TRPC3: variants seen among roughly 807,000 people sequenced by gnomAD.
The protein encoded by TRPC3 is transient receptor potential cation channel subfamily C member 3.
Under a neutral mutation model 90.9 loss-of-function variants are expected in TRPC3, and 54 were observed. The ratio of observed to expected loss-of-function variants is 0.59; its 90% CI spans 0.48 to 0.75. The LOEUF is 0.75. Among genes scored for constraint, TRPC3 ranks in the 30% least tolerant of loss-of-function variants. The pLI, the probability that TRPC3 is intolerant of heterozygous loss-of-function variation, is 0.00. For missense variants in TRPC3, 918 were observed against 1,194.5 expected (o/e 0.77, Z 3.41); for synonymous variants, 424 against 450.9 (o/e 0.94, Z 0.75).
At chr4:121,881,598 A>G (rs1410498294) in intron 11 of TRPC3, among the ~76,000 whole-genome samples, 1 of 152,222 alleles carries the variant, frequency 6.6e-6, no homozygotes, top group African/African-American at 2.4e-5. Context: ...TCCTTGTATT[A>G]ATCAAGTAAT....
chr4:121,879,711 T>G lies in TRPC3; in HGVS notation c.*25A>C. 1 of 1,597,734 alleles carries G rather than the reference T, an allele frequency of 6.3e-7. No homozygotes were observed. Among genetic ancestry groups the G allele is most frequent in the Non-Finnish European group, 8.5e-7 (1 of 1,174,628 alleles). ...ATTATTGCCCACATTTGTGCTATAG[T>G]CAAAGCCAAATCCAGGTTGCTGCAT... On this transcript the variant is annotated 3_prime_UTR_variant, in exon 12 of 12. Transcript: ENST00000379645.
chr4:121,900,355 G>A (rs1201105675), intron 9 of TRPC3, among the ~76,000 whole-genome samples: 1 of 152,158 alleles, frequency 6.6e-6, no homozygotes, highest in Non-Finnish European at 1.5e-5. Context: ...TCTTATCTGT[G>A]GCCAAGCTCT....
chr4:121,918,182 T>C (rs1334841527), intron 3 of TRPC3, among the ~76,000 whole-genome samples: 1 of 152,154 alleles, frequency 6.6e-6, no homozygotes, highest in East Asian at 1.9e-4. Flanking sequence ...GTAGTGTTCC[T>C]CCCCTCTAGA....
intron 10 of TRPC3, among the ~76,000 whole-genome samples, chr4:121,894,223 C>T (rs1252809616): frequency 6.6e-6 from 1 of 151,696 alleles, no homozygotes; most frequent in Non-Finnish European, 1.5e-5. Context: ...AATGTAACTA[C>T]CAAAAGTAAA....
At chr4:121,883,667 AT>A (rs1244563242) in intron 10 of TRPC3, among the ~76,000 whole-genome samples, 3 of 152,186 alleles carry the variant, frequency 2.0e-5, no homozygotes, top group Non-Finnish European at 4.4e-5. Flanking sequence ...GGACTTTTAT[AT>A]TTTACTGGCA....
chr4:121,875,994 G>A lies in TRPC3; in HGVS notation c.*3742C>T, dbSNP rs1727751789. Among the ~76,000 whole-genome samples, 1 of 147,430 alleles carries A rather than the reference G, an allele frequency of 6.8e-6. No homozygotes were observed. Among genetic ancestry groups the A allele is most frequent in the African/African-American group, 2.5e-5 (1 of 39,612 alleles). On this transcript the variant is annotated 3_prime_UTR_variant, in exon 12 of 12. Transcript: ENST00000379645. ...GCTCACTGCAGCCTCAACTTCCTGG[G>A]CTCAAGTTATCCTCTCACCCCAGCC...
intron 1 of TRPC3, among the ~76,000 whole-genome samples, chr4:121,940,493 C>A (rs973176570): frequency 1.3e-5 from 2 of 152,184 alleles, no homozygotes; most frequent in Admixed American, 1.3e-4. Context: ...CCCTTTTACA[C>A]CTACCTCCAG....
intron 1 of TRPC3, among the ~76,000 whole-genome samples, chr4:121,947,201 A>AG (rs1730520937): frequency 6.6e-6 from 1 of 151,428 alleles, no homozygotes; most frequent in Non-Finnish European, 1.5e-5. Flanking sequence ...AAAAAAAAAA[A>AG]AGAATTAAAA....
chr4:121,948,883 T>A (rs370416359), intron 1 of TRPC3, among the ~76,000 whole-genome samples: 18 of 134,824 alleles, frequency 1.3e-4, no homozygotes, highest in African/African-American at 1.9e-4. Context: ...TGTTTTTTTT[T>A]AAAACGGAAC....
At chr4:121,907,278 C>T (rs948310639) in intron 7 of TRPC3, 25 bp downstream of exon 7, 1 of 1,573,530 alleles carries the variant, frequency 6.4e-7, no homozygotes, top group South Asian at 1.2e-5. Flanking sequence ...TTTATCATAC[C>T]TGTATAATAA....
intron 9 of TRPC3, among the ~76,000 whole-genome samples, chr4:121,899,982 G>A (rs1042054752): frequency 6.6e-6 from 1 of 151,888 alleles, no homozygotes. Flanking sequence ...TTTTCCCTGG[G>A]GACCTTGTAT....
At position 121,901,345 on chromosome 4, in the gene TRPC3, C is replaced by T. The variant is rs1364249523; in HGVS notation, c.2463+1507G>A. On this transcript the variant is annotated intron_variant, in intron 9 of 11. Transcript: ENST00000379645. Reference sequence around the variant, plus strand: ...ACCGCACAGCTGAAGGTACACCTCGCTGAGAGGAAGTGGGCCAGTAACCAA... The same window carrying T: ...ACCGCACAGCTGAAGGTACACCTCGTTGAGAGGAAGTGGGCCAGTAACCAA... Among the ~76,000 whole-genome samples, 7 of 152,284 alleles carry T rather than the reference C, an allele frequency of 4.6e-5. No homozygotes were observed. The South Asian group carries it at 1.2e-3, about 27-fold the overall frequency.
At chr4:121,904,657 T>G (rs1267786040) in intron 7 of TRPC3, 140 bp from the exon 8 acceptor site, 3 of 518,814 alleles carry the variant, frequency 5.8e-6, no homozygotes, top group Non-Finnish European at 9.5e-6. Context: ...AGGATTACTT[T>G]GTTATGACAT....
Position 121,899,663 on chromosome 4 carries a change from A to G in TRPC3, c.2496T>C (p.Val832=), listed in dbSNP as rs558710810. ...TGCTGTTAAAACTGTGTGATTCAAA[A>G]ACTCTTGAGTTAGACTGAGTGAAGA... The part of the protein sequence containing the change: ...LNLFTQSNSR[V]FESHSFNSIL... The change falls in exon 10 of 12, where the codon GTT becomes GTC. Residue 832 remains valine (V), a synonymous_variant. Transcript: ENST00000379645. 5 of 1,613,596 alleles carry G rather than the reference A, an allele frequency of 3.1e-6. No individual in the cohort carries two copies. In the African/African-American group the frequency reaches 6.7e-5, roughly 22 times the overall value.
At chr4:121,908,091 T>C (rs371388348) in intron 6 of TRPC3, among the ~76,000 whole-genome samples, 5 of 152,134 alleles carry the variant, frequency 3.3e-5, no homozygotes, top group South Asian at 2.1e-4. Flanking sequence ...CTCAGCAATA[T>C]AACTTGTCCC....
intron 1 of TRPC3, among the ~76,000 whole-genome samples, chr4:121,944,203 G>C (rs754685445): frequency 2.6e-5 from 4 of 152,134 alleles, no homozygotes; most frequent in African/African-American, 4.8e-5. Context: ...TGAGAAGCAA[G>C]ACTTCTGGAC....
intron 10 of TRPC3, among the ~76,000 whole-genome samples, chr4:121,894,424 C>T (rs1296247565): frequency 6.6e-6 from 1 of 152,032 alleles, no homozygotes; most frequent in East Asian, 1.9e-4. Flanking sequence ...TTCAACCTCA[C>T]TCTCAGCATT....
intron 10 of TRPC3, among the ~76,000 whole-genome samples, chr4:121,893,685 A>T (rs1728410888): frequency 6.6e-6 from 1 of 152,170 alleles, no homozygotes; most frequent in Admixed American, 6.5e-5. Flanking sequence ...GGGAAAAAAT[A>T]CTTTAAATAT....
rs200845513 is a variant in TRPC3 at position 121,879,733 on chromosome 4, G to C, written c.*3C>G. On this transcript the variant is annotated 3_prime_UTR_variant, in exon 12 of 12. Transcript: ENST00000379645. ...TAGTCAAAGCCAAATCCAGGTTGCT[G>C]CATCATTCACATCTCAGCATGCTGG... 29 of 1,604,176 alleles carry C rather than the reference G, an allele frequency of 1.8e-5. No individual in the cohort carries two copies. Among genetic ancestry groups the C allele is most frequent in the Non-Finnish European group, 2.5e-5 (29 of 1,176,556 alleles).
Sources: gnomAD v4.1 joint callset for allele counts (sites outside exome capture counted in the v4.1 genomes callset) on GRCh38, gnomAD v4.1.1 for gene constraint, MANE v1.5 for transcripts, NCBI Gene and HGNC (gene_info 2026-07-23, HGNC 2026-07-21) for gene names.